DCTN6: variants seen among roughly 807,000 people sequenced by gnomAD.
DCTN6 encodes dynactin 6.
In DCTN6, 15 loss-of-function variants were observed where a neutral mutation model predicts 25.8. The observed-to-expected ratio is 0.58, with a 90% CI of 0.39 to 0.89. DCTN6 has a LOEUF of 0.89. DCTN6 is among the 40% of genes least tolerant of loss of function. DCTN6 has a pLI of 0.00. For synonymous variants in DCTN6, 64 were observed against 78.3 expected (o/e 0.82, Z 0.96); for missense variants, 198 against 237.6 (o/e 0.83, Z 1.09).
At chr8:30,162,191 G>T (rs190457710) in intron 1 of DCTN6, among the ~76,000 whole-genome samples, 31 of 151,172 alleles carry the variant, frequency 2.1e-4, no homozygotes, top group Admixed American at 1.8e-3. Context: ...CTGGGTTCAT[G>T]CCATTCTCCT....
Position 30,175,068 on chromosome 8 carries a change from C to G in DCTN6, c.89-17C>G. 1 of 1,611,676 alleles carries G rather than the reference C, an allele frequency of 6.2e-7. No homozygotes were observed. The highest frequency in any genetic ancestry group is 8.5e-7 in the Non-Finnish European group (1 of 1,178,308). ...ATAGCCTCCACCAATAATTTCTTCTCAAACTATTTTTAACAGGACCTCGGA... is the reference window on the plus strand; with the variant it reads ...ATAGCCTCCACCAATAATTTCTTCTGAAACTATTTTTAACAGGACCTCGGA... On this transcript the variant is annotated splice_polypyrimidine_tract_variant and intron_variant, in intron 2 of 6. Coordinates refer to ENST00000221114, the MANE Select transcript of DCTN6 (RefSeq NM_006571.4).
At chr8:30,157,135 C>T (rs1314196785) in intron 1 of DCTN6, among the ~76,000 whole-genome samples, 1 of 152,130 alleles carries the variant, frequency 6.6e-6, no homozygotes, top group Non-Finnish European at 1.5e-5. Context: ...CTGTTATTTC[C>T]CTCTTTATGT....
intron 6 of DCTN6, among the ~76,000 whole-genome samples, chr8:30,182,767 A>C (rs1803926410): frequency 6.6e-6 from 1 of 150,516 alleles, no homozygotes; most frequent in Non-Finnish European, 1.5e-5. Flanking sequence ...ATCATGGCTC[A>C]CTGCAGCCTC....
intron 2 of DCTN6, among the ~76,000 whole-genome samples, chr8:30,164,725 G>T (rs760589598): frequency 1.3e-5 from 2 of 152,220 alleles, no homozygotes; most frequent in Non-Finnish European, 2.9e-5. Flanking sequence ...AAGTTTCAAG[G>T]TGAGTAATGG....
intron 4 of DCTN6, 52 bp downstream of exon 4, chr8:30,177,266 C>G: frequency 7.0e-7 from 1 of 1,426,960 alleles, no homozygotes; most frequent in Non-Finnish European, 9.8e-7. Context: ...CCTTTAGTAC[C>G]TAAGTCTTCT....
intron 3 of DCTN6, 128 bp downstream of exon 3, chr8:30,175,318 A>G (rs959147866): frequency 4.2e-6 from 3 of 721,754 alleles, no homozygotes; most frequent in Non-Finnish European, 6.8e-6. Context: ...AGAAGCATTA[A>G]GGGTCTTTTT....
intron 2 of DCTN6, among the ~76,000 whole-genome samples, chr8:30,171,160 C>T (rs1803757383): frequency 6.6e-6 from 1 of 152,082 alleles, no homozygotes; most frequent in Non-Finnish European, 1.5e-5. Flanking sequence ...AGCTTGATGA[C>T]CGGCAGAATA....
intron 5 of DCTN6, among the ~76,000 whole-genome samples, chr8:30,180,166 A>G (rs1803893094): frequency 6.6e-6 from 1 of 152,180 alleles, no homozygotes; most frequent in Non-Finnish European, 1.5e-5. Flanking sequence ...TGTGCTCATC[A>G]CTTTACATCT....
chr8:30,175,057 T>A, intron 2 of DCTN6, 28 bp from the exon 3 acceptor site: 1 of 1,606,852 alleles, frequency 6.2e-7, no homozygotes, highest in Non-Finnish European at 8.5e-7. Flanking sequence ...CCTCCACCAA[T>A]AATTTCTTCT....
chr8:30,180,107 A>G (rs1309595288), intron 5 of DCTN6, among the ~76,000 whole-genome samples: 1 of 152,200 alleles, frequency 6.6e-6, no homozygotes, highest in Non-Finnish European at 1.5e-5. Flanking sequence ...AATTATCACT[A>G]TTATCATCAG....
intron 5 of DCTN6, 96 bp downstream of exon 5, chr8:30,179,551 TG>T: frequency 8.9e-7 from 1 of 1,125,732 alleles, no homozygotes; most frequent in Admixed American, 2.5e-5. Flanking sequence ...GGCAAGGTGT[TG>T]TGCTTGGAAG....
At chr8:30,183,047 A>C in intron 6 of DCTN6, 28 bp from the exon 7 acceptor site, 1 of 1,605,624 alleles carries the variant, frequency 6.2e-7, no homozygotes, top group African/African-American at 1.3e-5. Flanking sequence ...CTTTCTGCCA[A>C]TCGGCCTTAA....
At chr8:30,158,156 C>G (rs1167198645) in intron 1 of DCTN6, among the ~76,000 whole-genome samples, 2 of 152,168 alleles carry the variant, frequency 1.3e-5, no homozygotes, top group African/African-American at 2.4e-5. Flanking sequence ...GGATCTCTCC[C>G]TTGGGCGTAA....
At chr8:30,169,688 T>C (rs1309145248) in intron 2 of DCTN6, among the ~76,000 whole-genome samples, 1 of 152,188 alleles carries the variant, frequency 6.6e-6, no homozygotes, top group African/African-American at 2.4e-5. Flanking sequence ...TCAGACCTGA[T>C]CTAGGTGTAA....
intron 2 of DCTN6, 48 bp downstream of exon 2, chr8:30,164,223 TC>T: frequency 7.1e-7 from 1 of 1,405,268 alleles, no homozygotes; most frequent in Non-Finnish European, 1.0e-6. Flanking sequence ...TGTGATTTAA[TC>T]TATTTTAGTG....
At chr8:30,158,597 A>G (rs1183211698) in intron 1 of DCTN6, among the ~76,000 whole-genome samples, 1 of 152,032 alleles carries the variant, frequency 6.6e-6, no homozygotes, top group Non-Finnish European at 1.5e-5. Flanking sequence ...TTCTTCTATA[A>G]TATGAGAGGG....
rs5890500 is a variant in DCTN6 at position 30,158,701 on chromosome 8, CTT to C, written c.23+2313_23+2314del. ...ATTTTCTGTTATTTCAGTAGATTGA[CTT>C]TTTTTTTTTTTTTTTTTGTGAGACA... On this transcript the variant is annotated intron_variant, in intron 1 of 6. Coordinates refer to ENST00000221114, the MANE Select transcript of DCTN6 (RefSeq NM_006571.4). Among the ~76,000 whole-genome samples the C allele has an allele frequency of 4.9e-3, 483 of 99,006 alleles. 1 individual carries two copies. The highest frequency in any genetic ancestry group is 0.017 in the African/African-American group (444 of 26,414). 65.0% of individuals were successfully genotyped at this position (99,006 alleles called of 152,430 possible). A position where few individuals can be genotyped will look rare whatever the true frequency, so the allele number is the denominator to read the frequency against.
chr8:30,161,281 A>G (rs1434266478), intron 1 of DCTN6, among the ~76,000 whole-genome samples: 2 of 152,164 alleles, frequency 1.3e-5, no homozygotes, highest in East Asian at 1.9e-4. Flanking sequence ...CTGTGAGTCA[A>G]TTAAACCTCT....
At chr8:30,167,152 G>A (rs192285598) in intron 2 of DCTN6, among the ~76,000 whole-genome samples, 80 of 151,698 alleles carry the variant, frequency 5.3e-4, no homozygotes, top group Admixed American at 1.6e-3. Context: ...AAAATTAGCA[G>A]AAGGAAGGGA....
Sources: gnomAD v4.1 joint callset for allele counts (sites outside exome capture counted in the v4.1 genomes callset) on GRCh38, gnomAD v4.1.1 for gene constraint, MANE v1.5 for transcripts, NCBI Gene and HGNC (gene_info 2026-07-23, HGNC 2026-07-21) for gene names.